The following DYNC1I1 variants were observed in gnomAD, a reference collection of about 807,000 sequenced individuals.
DYNC1I1 encodes the protein cytoplasmic dynein 1 intermediate chain 1.
In DYNC1I1, 43 loss-of-function variants were observed where a neutral mutation model predicts 86.6. The ratio of observed to expected loss-of-function variants is 0.50; its 90% CI spans 0.39 to 0.64. The LOEUF (loss-of-function observed/expected upper bound fraction) is 0.64, where lower values mean the gene tolerates loss of function less well. Among genes scored for constraint, DYNC1I1 ranks in the 30% least tolerant of loss-of-function variants. The probability of loss-of-function intolerance (pLI) is 0.00; values close to 1 mark genes in which losing one functional copy is unlikely to be tolerated. For missense variants in DYNC1I1, 604 were observed against 788.8 expected (o/e 0.77, Z 2.81); for synonymous variants, 262 against 283.7 (o/e 0.92, Z 0.77).
intron 10 of DYNC1I1, among the ~76,000 whole-genome samples, chr7:96,021,140 T>C (rs1194071754): frequency 6.6e-6 from 1 of 152,194 alleles, no homozygotes; most frequent in Non-Finnish European, 1.5e-5. Flanking sequence ...CACTGAACCG[T>C]ACACTTGAAA....
rs140416102 is a variant in DYNC1I1, at chr7:96,011,873, G to T, written c.969+15800G>T. ...ATTGGCGTGTCTTTCTGAAGCTACG[G>T]TTAATTTAAAGATAAGACGGGATCC... On this transcript the variant is annotated intron_variant, in intron 10 of 16. Transcript: ENST00000447467. Among the ~76,000 whole-genome samples the T allele has an allele frequency of 4.6e-5, 7 of 152,282 alleles. No homozygotes were observed. In the East Asian group the frequency reaches 1.3e-3, roughly 29 times the overall value.
In DYNC1I1 at chr7:95,787,526, G is replaced by A. The variant is rs184504702; in HGVS notation, c.-10+14753G>A. On this transcript the variant is annotated intron_variant, in intron 1 of 16. Transcript: ENST00000447467. ...CTAGGGGAATCCTAAAACCAATGGAGCGTTGACACTTTTTATAGTACATAA... is the reference window on the plus strand; with the variant it reads ...CTAGGGGAATCCTAAAACCAATGGAACGTTGACACTTTTTATAGTACATAA... Among the ~76,000 whole-genome samples the A allele has an allele frequency of 1.8e-3, 276 of 152,224 alleles. 2 individuals carry two copies. The highest frequency in any genetic ancestry group is 5.8e-3 in the African/African-American group (241 of 41,530).
At chr7:95,810,343 C>G in intron 2 of DYNC1I1, 49 bp from the exon 3 acceptor site, 1 of 1,485,232 alleles carries the variant, frequency 6.7e-7, no homozygotes. Context: ...CCAGGAAAAG[C>G]ATACATTTAG....
intron 6 of DYNC1I1, among the ~76,000 whole-genome samples, chr7:95,967,919 C>CG (rs1562958639): frequency 1.3e-5 from 2 of 151,964 alleles, no homozygotes; most frequent in African/African-American, 4.8e-5. Flanking sequence ...CATGCTTGTG[C>CG]GGGGGTGAAC....
At chr7:96,100,050 T>C (rs1584321477), downstream of DYNC1I1, among the ~76,000 whole-genome samples, 3 of 152,232 alleles carry the variant, frequency 2.0e-5, no homozygotes, top group South Asian at 6.2e-4. Flanking sequence ...AGATGTGCCT[T>C]TCAGATTTCC....
At chr7:95,936,223 A>T (rs776700977) in intron 6 of DYNC1I1, among the ~76,000 whole-genome samples, 2 of 152,084 alleles carry the variant, frequency 1.3e-5, no homozygotes, top group African/African-American at 4.8e-5. Context: ...TAAAGAACTC[A>T]TAAGAGTTCA....
At chr7:95,962,952 A>AAGCTAT (rs1792911641) in intron 6 of DYNC1I1, among the ~76,000 whole-genome samples, 1 of 152,202 alleles carries the variant, frequency 6.6e-6, no homozygotes, top group Non-Finnish European at 1.5e-5. Flanking sequence ...AGTTGAGTGG[A>AAGCTAT]TCAAATAGCA....
At chr7:95,868,524 A>T (rs890948640) in intron 5 of DYNC1I1, among the ~76,000 whole-genome samples, 3 of 152,068 alleles carry the variant, frequency 2.0e-5, no homozygotes, top group Non-Finnish European at 2.9e-5. Context: ...AGAGCTAGGG[A>T]ATGCAAGATT....
chr7:95,980,826 G>A (rs924776121), intron 7 of DYNC1I1, among the ~76,000 whole-genome samples: 1 of 151,934 alleles, frequency 6.6e-6, no homozygotes, highest in Non-Finnish European at 1.5e-5. Flanking sequence ...CAATACAACT[G>A]GGAACCTAAC....
At chr7:96,078,787 A>AATT (rs902969347) in intron 15 of DYNC1I1, among the ~76,000 whole-genome samples, 3 of 152,142 alleles carry the variant, frequency 2.0e-5, no homozygotes, top group Non-Finnish European at 4.4e-5. Flanking sequence ...GAACCTTCTA[A>AATT]ATTATGGTAT....
chr7:96,108,605 T>G (rs1324548255), intron 16 of DYNC1I1, among the ~76,000 whole-genome samples: 1 of 152,158 alleles, frequency 6.6e-6, no homozygotes, highest in Non-Finnish European at 1.5e-5. Context: ...GGCTCACACC[T>G]GTAATTCCAG....
At chr7:95,974,463 T>C (rs1297382879) in intron 6 of DYNC1I1, among the ~76,000 whole-genome samples, 1 of 152,198 alleles carries the variant, frequency 6.6e-6, no homozygotes, top group Admixed American at 6.5e-5. Context: ...TACAACAACG[T>C]GTTTTAAGGA....
At chr7:96,065,788 T>G (rs902623254) in intron 14 of DYNC1I1, among the ~76,000 whole-genome samples, 2 of 152,300 alleles carry the variant, frequency 1.3e-5, no homozygotes, top group African/African-American at 4.8e-5. Context: ...ACTTCCACTG[T>G]CAGCCTAACC....
chr7:95,879,578 A>C (rs1790398599), intron 6 of DYNC1I1, among the ~76,000 whole-genome samples: 1 of 152,222 alleles, frequency 6.6e-6, no homozygotes, highest in Admixed American at 6.5e-5. Flanking sequence ...AAAGCAAGAA[A>C]GAAAGTCATA....
At chr7:96,074,756 C>G (rs148064253) in intron 14 of DYNC1I1, among the ~76,000 whole-genome samples, 16 of 152,268 alleles carry the variant, frequency 1.1e-4, no homozygotes, top group Non-Finnish European at 1.9e-4. Flanking sequence ...ATTAACAGTT[C>G]ACTTGGAGAA....
rs181675907 is a variant in DYNC1I1, at chr7:96,067,174, A to G, written c.1510-8883A>G. Among the ~76,000 whole-genome samples, 3 of 152,318 alleles carry G rather than the reference A, an allele frequency of 2.0e-5. No individual in the cohort carries two copies. In the East Asian group the frequency reaches 5.8e-4, roughly 29 times the overall value. On this transcript the variant is annotated intron_variant, in intron 14 of 16. Coordinates refer to ENST00000447467, the MANE Select transcript of DYNC1I1 (RefSeq NM_001135556.2). ...TTTTAGCTATCACCGGCATCTAGACATAAGACTTAAAACAGGCAAGAGGAT... is the reference window on the plus strand; with the variant it reads ...TTTTAGCTATCACCGGCATCTAGACGTAAGACTTAAAACAGGCAAGAGGAT...
At chr7:95,781,439 A>G (rs749454464) in intron 1 of DYNC1I1, among the ~76,000 whole-genome samples, 2 of 152,170 alleles carry the variant, frequency 1.3e-5, no homozygotes, top group Non-Finnish European at 2.9e-5. Flanking sequence ...TAAGACAATA[A>G]ATTAGAGACC....
chr7:95,984,321 C>T (rs1793528460), intron 7 of DYNC1I1, among the ~76,000 whole-genome samples: 1 of 151,888 alleles, frequency 6.6e-6, no homozygotes, highest in African/African-American at 2.4e-5. Context: ...TACCAACTAA[C>T]CATTTAAAAT....
At chr7:96,066,115 T>C (rs537651840) in intron 14 of DYNC1I1, among the ~76,000 whole-genome samples, 1 of 152,224 alleles carries the variant, frequency 6.6e-6, no homozygotes, top group Admixed American at 6.5e-5. Flanking sequence ...TCATTATTTC[T>C]TAGGACAAAT....
Sources: allele counts gnomAD v4.1 joint callset (sites outside exome capture counted in the v4.1 genomes callset), GRCh38; gene constraint gnomAD v4.1.1; transcripts MANE v1.5; gene names NCBI Gene and HGNC (gene_info 2026-07-23, HGNC 2026-07-21).